KSR1: variants seen among roughly 807,000 people sequenced by gnomAD.
The protein encoded by KSR1 is kinase suppressor of ras.
A neutral mutation model predicts 92.9 loss-of-function variants in KSR1; 35 were observed. The observed-to-expected ratio is 0.38, with a 90% CI of 0.29 to 0.50. The LOEUF (loss-of-function observed/expected upper bound fraction) is 0.50, where lower values mean the gene tolerates loss of function less well. KSR1 is among the 20% of genes least tolerant of loss of function. The pLI is 0.94. For missense variants in KSR1, 972 were observed against 1,158.5 expected, an observed-to-expected ratio of 0.84 and a Z score of 2.34; for synonymous variants, 467 against 472.6, an observed-to-expected ratio of 0.99 and a Z score of 0.15.
intron 2 of KSR1, among the ~76,000 whole-genome samples, chr17:27,551,357 G>A (rs760103102): frequency 1.3e-5 from 2 of 152,222 alleles, no homozygotes; most frequent in East Asian, 1.9e-4. Flanking sequence ...CATGGAGTGC[G>A]GATTAGTCCT....
intron 1 of KSR1, among the ~76,000 whole-genome samples, chr17:27,501,515 A>T (rs1349721353): frequency 2.0e-5 from 3 of 152,106 alleles, no homozygotes; most frequent in Non-Finnish European, 4.4e-5. Context: ...CTGGAGGCCT[A>T]GGAGGAAAAA....
At chr17:27,493,447 C>T (rs746474823) in intron 1 of KSR1, among the ~76,000 whole-genome samples, 7 of 152,292 alleles carry the variant, frequency 4.6e-5, no homozygotes, top group Non-Finnish European at 7.4e-5. Context: ...AAGTCAGAGA[C>T]ATTAACGATC....
In KSR1 at chr17:27,597,321, C is replaced by A. The variant is rs750326514; in HGVS notation, c.1353C>A (p.Thr451=). The part of the protein sequence containing the change: ...HLDSSSNPSS[T]TSSTPSSPAP... ...ACTCCAGCAGCAACCCTTCCTCCAC[C>A]ACCTCCTCCACACCCTCCTCACCGG... The change falls in exon 10 of 21, where the codon ACC becomes ACA. Residue 451 remains threonine (T), a synonymous_variant. Coordinates refer to ENST00000644974, the MANE Select transcript of KSR1 (RefSeq NM_001394583.1). 1.6e-5 allele frequency: 25 copies of A among 1,609,746 alleles called. No homozygotes were observed. The Admixed American group carries it at 4.2e-4, about 27-fold the overall frequency.
chr17:27,534,300 A>G (rs2070675091), intron 1 of KSR1, among the ~76,000 whole-genome samples: 2 of 152,366 alleles, frequency 1.3e-5, no homozygotes, highest in South Asian at 2.1e-4. Flanking sequence ...TGCCATGTAG[A>G]TGGAGTCATC....
intron 1 of KSR1, among the ~76,000 whole-genome samples, chr17:27,489,592 C>G (rs1464914508): frequency 6.6e-6 from 1 of 152,194 alleles, no homozygotes; most frequent in Non-Finnish European, 1.5e-5. Flanking sequence ...TACAAAAGTT[C>G]TGGCTCTTCT....
chr17:27,616,958 T>C (rs2074078966), intron 18 of KSR1, among the ~76,000 whole-genome samples: 1 of 152,222 alleles, frequency 6.6e-6, no homozygotes, highest in South Asian at 2.1e-4. Flanking sequence ...GTGAACGTTG[T>C]ACCTTGCACT....
At chr17:27,522,750 C>G (rs1306193987) in intron 1 of KSR1, among the ~76,000 whole-genome samples, 1 of 152,228 alleles carries the variant, frequency 6.6e-6, no homozygotes, top group African/African-American at 2.4e-5. Flanking sequence ...GGGAAAGTCT[C>G]TGTCTTGCAA....
At chr17:27,523,460 A>G (rs2070125217) in intron 1 of KSR1, among the ~76,000 whole-genome samples, 1 of 152,124 alleles carries the variant, frequency 6.6e-6, no homozygotes, top group Non-Finnish European at 1.5e-5. Flanking sequence ...TGTTGCTGCC[A>G]TCAAGTTGCT....
chr17:27,505,353 C>T (rs1224787444), intron 1 of KSR1, among the ~76,000 whole-genome samples: 1 of 152,240 alleles, frequency 6.6e-6, no homozygotes, highest in African/African-American at 2.4e-5. Context: ...TGCATGCTTC[C>T]TGTGACTCTG....
intron 1 of KSR1, among the ~76,000 whole-genome samples, chr17:27,521,148 C>T (rs1342247376): frequency 6.6e-6 from 1 of 152,076 alleles, no homozygotes; most frequent in Non-Finnish European, 1.5e-5. Flanking sequence ...GGCCAGCTGA[C>T]TTAGTACCTC....
chr17:27,619,781 C>T (rs994724873), intron 19 of KSR1, among the ~76,000 whole-genome samples: 1 of 151,950 alleles, frequency 6.6e-6, no homozygotes, highest in Non-Finnish European at 1.5e-5. Context: ...GGTGCAATCT[C>T]GACTCACTGC....
At chr17:27,581,725 C>T (rs2072763373) in intron 3 of KSR1, among the ~76,000 whole-genome samples, 1 of 152,158 alleles carries the variant, frequency 6.6e-6, no homozygotes, top group Non-Finnish European at 1.5e-5. Flanking sequence ...CTGTCATGCC[C>T]ATTCGACTCT....
Position 27,605,418 on chromosome 17 carries a change from C to T in KSR1, c.1615-16C>T, listed in dbSNP as rs757315313. Reference sequence around the variant, plus strand: ...AGATCTGCTGCCCATCCCTGTTCTTCCTGCTCTCCTTTCAGGCTGAGGAGC... The same window carrying T: ...AGATCTGCTGCCCATCCCTGTTCTTTCTGCTCTCCTTTCAGGCTGAGGAGC... On this transcript the variant is annotated splice_polypyrimidine_tract_variant and intron_variant, in intron 13 of 20. Coordinates refer to ENST00000644974, the MANE Select transcript of KSR1 (RefSeq NM_001394583.1). The T allele has an allele frequency of 3.1e-6, 5 of 1,604,668 alleles. No individual in the cohort carries two copies. The highest frequency in any genetic ancestry group is 1.7e-5 in the Admixed American group (1 of 58,746).
intron 12 of KSR1, among the ~76,000 whole-genome samples, 181 bp downstream of exon 12, chr17:27,604,069 G>C (rs960852962): frequency 5.3e-5 from 8 of 152,116 alleles, no homozygotes; most frequent in African/African-American, 1.9e-4. Flanking sequence ...CCTCCTATCA[G>C]TGCGGTCAAC....
At chr17:27,587,668 T>TG (rs1320220648) in intron 5 of KSR1, 6 of 152,438 alleles carry the variant, frequency 3.9e-5, no homozygotes, top group Non-Finnish European at 8.8e-5. Flanking sequence ...GCGCTGAGTA[T>TG]GGGGGCGTGA....
chr17:27,479,030 GTGCTCCTCCCTCCATCCA>G (rs2068431556), intron 1 of KSR1, among the ~76,000 whole-genome samples: 1 of 122,154 alleles, frequency 8.2e-6, no homozygotes, highest in Non-Finnish European at 1.7e-5. Context: ...CCCTCCCTCC[GTGCTCCTCCCTCCATCCA>G]TGCTCCTCCC....
At chr17:27,619,714 A>AT (rs967480327) in intron 19 of KSR1, among the ~76,000 whole-genome samples, 5 of 134,586 alleles carry the variant, frequency 3.7e-5, no homozygotes, top group African/African-American at 1.1e-4. Context: ...CTTGTCTTTT[A>AT]TTTTTTTGTT....
intron 2 of KSR1, among the ~76,000 whole-genome samples, chr17:27,560,039 C>T (rs772262605): frequency 3.3e-5 from 5 of 152,136 alleles, no homozygotes; most frequent in South Asian, 2.1e-4. Context: ...CTGAGAGTGA[C>T]GGGGTGAGGA....
At chr17:27,604,580 A>C in intron 12 of KSR1, 100 bp from the exon 13 acceptor site, 1 of 1,219,856 alleles carries the variant, frequency 8.2e-7, no homozygotes, top group Non-Finnish European at 1.2e-6. Flanking sequence ...TGTGAGTCAG[A>C]GTAAGTACCT....
Sources: allele counts gnomAD v4.1 joint callset (sites outside exome capture counted in the v4.1 genomes callset), GRCh38; gene constraint gnomAD v4.1.1; transcripts MANE v1.5; gene names NCBI Gene and HGNC (gene_info 2026-07-23, HGNC 2026-07-21).